Variants in DDX19B observed in about 807,000 individuals in gnomAD.
The protein encoded by DDX19B is ATP-dependent RNA helicase DDX19B.
DDX19B carries 27 observed loss-of-function variants against 58.1 expected under a neutral mutation model. The observed-to-expected ratio is 0.46, with a 90% CI of 0.34 to 0.64. The LOEUF (loss-of-function observed/expected upper bound fraction) is 0.64. Among genes scored for constraint, DDX19B ranks in the 30% least tolerant of loss-of-function variants. The pLI is 0.01. For synonymous variants in DDX19B, 187 were observed against 214.4 expected (o/e 0.87, Z 1.12); for missense variants, 399 against 596.5 (o/e 0.67, Z 3.45).
intron 7 of DDX19B, among the ~76,000 whole-genome samples, chr16:70,327,108 A>G (rs1250362314): frequency 3.3e-5 from 5 of 151,734 alleles, no homozygotes; most frequent in Admixed American, 3.3e-4. Context: ...TGCTGGGATT[A>G]CAGGCGTGAG....
At chr16:70,300,457 C>T (rs1319292183) in intron 1 of DDX19B, among the ~76,000 whole-genome samples, 1 of 152,160 alleles carries the variant, frequency 6.6e-6, no homozygotes, top group Admixed American at 6.6e-5. Context: ...ATCCACCTGC[C>T]TCAGCCTCCC....
At chr16:70,289,938 T>G (rs1256960221), upstream of DDX19B, 2 of 345,558 alleles carry the variant, frequency 5.8e-6, no homozygotes, top group African/African-American at 4.3e-5. Flanking sequence ...AGTCTGACAT[T>G]GTGCCCATGG....
chr16:70,297,397 G>C (rs940204345), upstream of DDX19B, among the ~76,000 whole-genome samples: 1 of 151,808 alleles, frequency 6.6e-6, no homozygotes, highest in South Asian at 2.1e-4. Flanking sequence ...ATTTTTAGTA[G>C]AGATAGGGTT....
At chr16:70,312,036 T>A (rs1167131961) in intron 1 of DDX19B, among the ~76,000 whole-genome samples, 2 of 152,034 alleles carry the variant, frequency 1.3e-5, no homozygotes, top group African/African-American at 4.8e-5. Context: ...GAGACGGGGT[T>A]TCACCATGTT....
At chr16:70,320,636 C>T (rs1425615583) in intron 5 of DDX19B, among the ~76,000 whole-genome samples, 1 of 151,864 alleles carries the variant, frequency 6.6e-6, no homozygotes, top group Non-Finnish European at 1.5e-5. Flanking sequence ...TAACCACCAC[C>T]TCCCAGGTCC....
chr16:70,332,671 T>C (rs946676226), intron 10 of DDX19B, among the ~76,000 whole-genome samples: 1 of 152,134 alleles, frequency 6.6e-6, no homozygotes, highest in African/African-American at 2.4e-5. Flanking sequence ...GATTTTTGTC[T>C]CCTGTCCTTA....
At chr16:70,291,431 G>T (rs1350226907), upstream of DDX19B, among the ~76,000 whole-genome samples, 7 of 152,156 alleles carry the variant, frequency 4.6e-5, no homozygotes, top group African/African-American at 1.7e-4. Flanking sequence ...AATAATACAG[G>T]TTGTAATCTC....
At chr16:70,293,026 C>T (rs1407805673), upstream of DDX19B, among the ~76,000 whole-genome samples, 1 of 151,612 alleles carries the variant, frequency 6.6e-6, no homozygotes, top group Non-Finnish European at 1.5e-5. Context: ...GCTGCAGTGA[C>T]TCAAGATTGT....
chr16:70,297,881 T>TG (rs1437368792), upstream of DDX19B, among the ~76,000 whole-genome samples: 1 of 152,162 alleles, frequency 6.6e-6, no homozygotes, highest in Non-Finnish European at 1.5e-5. Context: ...CGACGACACC[T>TG]GGCTAATTTT....
Position 70,323,263 on chromosome 16 carries a change from T to C in DDX19B, c.390-1322T>C, listed in dbSNP as rs553602329. 1.0e-3 allele frequency among the ~76,000 whole-genome samples: 154 copies of C among 152,096 alleles called. 1 individual carries two copies. The highest frequency in any genetic ancestry group is 3.6e-3 in the African/African-American group (149 of 41,498). Reference sequence around the variant, plus strand: ...CTGGGACTTCAGGTATGTACCACCATGTCCAGCTAATGTTTGTATCTTTTG... The same window carrying C: ...CTGGGACTTCAGGTATGTACCACCACGTCCAGCTAATGTTTGTATCTTTTG... On this transcript the variant is annotated intron_variant, in intron 5 of 11. Transcript: ENST00000288071.
At chr16:70,294,914 C>T, upstream of DDX19B, 3 of 1,523,140 alleles carry the variant, frequency 2.0e-6, no homozygotes, top group East Asian at 2.5e-5. Context: ...TGCCTGTGGG[C>T]GACGTGAGTA....
At chr16:70,325,760 A>T (rs1327921848) in intron 7 of DDX19B, 72 bp downstream of exon 7, 57 of 1,084,244 alleles carry the variant, frequency 5.3e-5, no homozygotes, top group Admixed American at 1.9e-5. Flanking sequence ...AAACCCACCC[A>T]ATAGTTGAAA....
In DDX19B at chr16:70,302,025, A is replaced by G. The variant is rs546036023; in HGVS notation, c.57+2671A>G. Among the ~76,000 whole-genome samples the G allele has an allele frequency of 3.3e-5, 5 of 151,242 alleles. No homozygotes were observed. In the South Asian group the frequency reaches 1.0e-3, roughly 31 times the overall value. ...AACCTCTGCTTCTTGAGTTCAAGCG[A>G]TTCTCCTGCCTCAGCCTCCCGAGTA... On this transcript the variant is annotated intron_variant, in intron 1 of 11. Transcript: ENST00000288071.
chr16:70,303,593 G>A (rs1217091921), intron 1 of DDX19B, among the ~76,000 whole-genome samples: 1 of 152,152 alleles, frequency 6.6e-6, no homozygotes, highest in African/African-American at 2.4e-5. Context: ...GGCTTGCTCT[G>A]TCGCCTGGGC....
intron 1 of DDX19B, among the ~76,000 whole-genome samples, chr16:70,300,232 G>T (rs1283181157): frequency 2.0e-5 from 3 of 151,286 alleles, no homozygotes; most frequent in African/African-American, 7.3e-5. Flanking sequence ...TGGAGACAGG[G>T]TCACACTCTG....
Position 70,312,591 on chromosome 16 carries a change from C to G in DDX19B, c.58-18C>G. The G allele has an allele frequency of 6.2e-7, 1 of 1,611,594 alleles. No homozygotes were observed. Among genetic ancestry groups the G allele is most frequent in the Non-Finnish European group, 8.5e-7 (1 of 1,178,130 alleles). ...GCTTTTCCTGACACTTTCCCCCTCC[C>G]CCATATTCTCCATTTAGTTGAGCAA... On this transcript the variant is annotated intron_variant, in intron 1 of 11. Transcript: ENST00000288071.
Position 70,299,371 on chromosome 16 carries a change from C to A in DDX19B, c.57+17C>A, listed in dbSNP as rs1235168806. On this transcript the variant is annotated intron_variant, in intron 1 of 11. Transcript: ENST00000288071. ...GCTGAGTCGGTGAGTTGGCTTCAGC[C>A]CTAAAAGGGTCAGGGGACTAGTTCT... is the stretch of plus-strand genomic sequence containing the variant. 2 of 1,601,510 alleles carry A rather than the reference C, an allele frequency of 1.2e-6. No homozygotes were observed. Among genetic ancestry groups the A allele is most frequent in the East Asian group, 2.3e-5 (1 of 44,220 alleles).
chr16:70,332,621 C>T (rs1319528204), intron 10 of DDX19B, among the ~76,000 whole-genome samples: 1 of 152,096 alleles, frequency 6.6e-6, no homozygotes, highest in East Asian at 1.9e-4. Context: ...TTTCCCTTTA[C>T]CCGAAGTTGG....
upstream of DDX19B, chr16:70,299,009 A>C (rs1325493751): frequency 1.7e-6 from 1 of 585,874 alleles, no homozygotes; most frequent in Non-Finnish European, 2.5e-6. Flanking sequence ...TTGGAGATCC[A>C]AGTTAACCAG....
Sources: gnomAD v4.1 joint callset for allele counts (sites outside exome capture counted in the v4.1 genomes callset) on GRCh38, gnomAD v4.1.1 for gene constraint, MANE v1.5 for transcripts, NCBI Gene and HGNC (gene_info 2026-07-23, HGNC 2026-07-21) for gene names.